The following TRPM7 variants were observed in gnomAD, a reference collection of about 807,000 sequenced individuals.
TRPM7 encodes LTRPC ion channel family member 7.
Under a neutral mutation model 229.7 loss-of-function variants are expected in TRPM7, and 134 were observed. The observed-to-expected ratio is 0.58, with a 90% CI of 0.51 to 0.67. The LOEUF (loss-of-function observed/expected upper bound fraction) is 0.67, where lower values mean the gene tolerates loss of function less well. Among genes scored for constraint, TRPM7 ranks in the 30% least tolerant of loss-of-function variants. TRPM7 has a pLI of 0.00. For missense variants in TRPM7, 1,901 were observed against 2,210.0 expected (o/e 0.86, Z 2.80); for synonymous variants, 699 against 715.2 (o/e 0.98, Z 0.36).
chr15:50,584,930 C>G lies in TRPM7; in HGVS notation c.4486+1462G>C, dbSNP rs369402435. ...CATTCCCATTGCACAGGCTGGAGTG[C>G]AGTCGCGCTATCTTGGCTCACTGCA... is the stretch of plus-strand genomic sequence containing the variant. On this transcript the variant is annotated intron_variant, in intron 28 of 38. Transcript: ENST00000646667. 7.2e-5 allele frequency among the ~76,000 whole-genome samples: 11 copies of G among 152,194 alleles called. No individual in the cohort carries two copies. In the East Asian group the frequency reaches 7.7e-4, roughly 11 times the overall value.
rs1315863403 is a variant in TRPM7, at chr15:50,613,722, C to T, written c.1755G>A (p.Gln585=). The stretch of plus-strand genomic sequence containing the variant: ...ATAAATTTACCTTTGGTCGGTAGGG[C>T]TGTGCTGTCTTAATGAAATGGTTAT... The part of the protein sequence containing the change: ...MRHNHFIKTA[Q]PYRPKIDTVM... The change falls in exon 15 of 39, where the codon CAG becomes CAA. Residue 585 remains glutamine (Q), a synonymous_variant. Coordinates refer to ENST00000646667, the MANE Select transcript of TRPM7 (RefSeq NM_017672.6). The T allele has an allele frequency of 6.2e-7, 1 of 1,602,968 alleles. No homozygotes were observed. Among genetic ancestry groups the T allele is most frequent in the South Asian group, 1.1e-5 (1 of 88,776 alleles).
chr15:50,685,382 C>T (rs1596362033), intron 1 of TRPM7, among the ~76,000 whole-genome samples: 1 of 152,120 alleles, frequency 6.6e-6, no homozygotes, highest in African/African-American at 2.4e-5. Flanking sequence ...GCCTGAATCC[C>T]GGAGGCGGAT....
At chr15:50,652,762 A>T (rs1450086184) in intron 3 of TRPM7, among the ~76,000 whole-genome samples, 3 of 152,140 alleles carry the variant, frequency 2.0e-5, no homozygotes, top group African/African-American at 7.2e-5. Flanking sequence ...GCTACTTAGG[A>T]GGCTGAGGTG....
At chr15:50,573,243 A>T (rs1426173491) in intron 36 of TRPM7, among the ~76,000 whole-genome samples, 2 of 152,162 alleles carry the variant, frequency 1.3e-5, no homozygotes, top group African/African-American at 4.8e-5. Context: ...GATCAGTAAA[A>T]TGTGGCAGAA....
intron 38 of TRPM7, among the ~76,000 whole-genome samples, chr15:50,567,533 G>A (rs1441721500): frequency 1.3e-5 from 2 of 151,842 alleles, no homozygotes; most frequent in Non-Finnish European, 2.9e-5. Context: ...ACCTACCACA[G>A]ACCAATATTC....
In TRPM7 at chr15:50,560,387, CCA is replaced by C. The variant is rs2053264904; in HGVS notation, c.*1289_*1290del. ...TAAGTAATACACTTTTTCTTTCTCC[CCA>C]CCCCCAATCAATATTAAACACTATT... On this transcript the variant is annotated 3_prime_UTR_variant, in exon 39 of 39. Transcript: ENST00000646667. The C allele has an allele frequency of 6.6e-6, 1 of 152,234 alleles. No individual in the cohort carries two copies. Among genetic ancestry groups the C allele is most frequent in the Non-Finnish European group, 1.5e-5 (1 of 67,936 alleles). The allele number at this position is 152,234 out of a possible 1,614,324, so 9.4% of individuals were successfully genotyped here.
chr15:50,644,790 T>A (rs1379358646), intron 4 of TRPM7, among the ~76,000 whole-genome samples: 2 of 110,446 alleles, frequency 1.8e-5, no homozygotes, highest in Non-Finnish European at 3.4e-5. Flanking sequence ...AGAGCGAAAC[T>A]GCGTCTCAAA....
At chr15:50,674,565 T>G (rs911335000) in intron 1 of TRPM7, among the ~76,000 whole-genome samples, 1 of 152,242 alleles carries the variant, frequency 6.6e-6, no homozygotes, top group African/African-American at 2.4e-5. Context: ...AAAATACAAA[T>G]GATTTGCATA....
intron 1 of TRPM7, 67 bp from the exon 2 acceptor site, chr15:50,663,113 T>G: frequency 1.6e-6 from 2 of 1,236,272 alleles, no homozygotes; most frequent in South Asian, 1.3e-5. Flanking sequence ...AACAATTTCA[T>G]GATAAACACA....
At chr15:50,600,089 G>T (rs1410653043) in intron 21 of TRPM7, among the ~76,000 whole-genome samples, 1 of 152,090 alleles carries the variant, frequency 6.6e-6, no homozygotes, top group Non-Finnish European at 1.5e-5. Context: ...ACTTATTTAG[G>T]TATATAAGTT....
At chr15:50,624,444 CTAA>C in intron 11 of TRPM7, 144 bp from the exon 12 acceptor site, 2 of 648,688 alleles carry the variant, frequency 3.1e-6, no homozygotes, top group Non-Finnish European at 4.8e-6. Context: ...CAGTAAAAAG[CTAA>C]TAAGACTTTA....
At chr15:50,650,778 A>G (rs995729832) in intron 3 of TRPM7, among the ~76,000 whole-genome samples, 14 of 152,342 alleles carry the variant, frequency 9.2e-5, no homozygotes, top group South Asian at 4.1e-4. Context: ...GAAAGGATCA[A>G]ACTGATCCAA....
chr15:50,598,566 T>C lies in TRPM7; in HGVS notation c.3163+556A>G, dbSNP rs115286246. On this transcript the variant is annotated intron_variant, in intron 22 of 38. Transcript: ENST00000646667. ...CTCAATATCGAATCTACCTGAATGA[T>C]CTACGCTAATCATGGTAATCCCATC... is the stretch of plus-strand genomic sequence containing the variant. 3.7e-3 allele frequency among the ~76,000 whole-genome samples: 565 copies of C among 152,326 alleles called. 3 individuals are homozygous for C. The highest frequency in any genetic ancestry group is 0.013 in the African/African-American group (542 of 41,570).
intron 31 of TRPM7, among the ~76,000 whole-genome samples, chr15:50,577,718 C>T (rs1485151323): frequency 1.3e-5 from 2 of 151,918 alleles, no homozygotes; most frequent in Non-Finnish European, 2.9e-5. Context: ...AGGCATATGC[C>T]AATAATAAAT....
intron 29 of TRPM7, among the ~76,000 whole-genome samples, chr15:50,582,621 A>T (rs1248567938): frequency 6.6e-6 from 1 of 152,224 alleles, no homozygotes; most frequent in African/African-American, 2.4e-5. Context: ...TTTTTCAATA[A>T]CATGATTTTA....
intron 21 of TRPM7, among the ~76,000 whole-genome samples, chr15:50,601,856 G>A (rs1241739970): frequency 2.0e-5 from 3 of 151,596 alleles, no homozygotes; most frequent in East Asian, 1.9e-4. Flanking sequence ...AAGTGTGAGG[G>A]AGGTTTCTTC....
At chr15:50,608,066 A>AG (rs1405435824) in intron 19 of TRPM7, among the ~76,000 whole-genome samples, 1 of 150,888 alleles carries the variant, frequency 6.6e-6, no homozygotes, top group Non-Finnish European at 1.5e-5. Flanking sequence ...AAAAAAAAAA[A>AG]AAAAGAAAGA....
At chr15:50,563,869 CT>C (rs1049678740) in intron 38 of TRPM7, among the ~76,000 whole-genome samples, 9 of 148,612 alleles carry the variant, frequency 6.1e-5, no homozygotes, top group Non-Finnish European at 1.0e-4. Flanking sequence ...GACAATTCTT[CT>C]TTTTTTTTTG....
At position 50,648,819 on chromosome 15, in the gene TRPM7, T is replaced by C; in HGVS notation, c.189A>G (p.Ser63=). The C allele has an allele frequency of 6.2e-7, 1 of 1,613,280 alleles. No homozygotes were observed. Among genetic ancestry groups the C allele is most frequent in the Non-Finnish European group, 8.5e-7 (1 of 1,179,544 alleles). Residue 63 remains serine, a synonymous_variant, in exon 4 of 39, where the codon TCA becomes TCG. Coordinates refer to ENST00000646667, the MANE Select transcript of TRPM7 (RefSeq NM_017672.6). The part of the protein sequence containing the change: ...CFTASLAMKY[S]DVKLGDHFNQ... ...TAAAATGGTCACCCAATTTCACATC[T>C]GAGTATTTCATGGCAAGACTTGCAG...
Sources: gnomAD v4.1 joint callset for allele counts (sites outside exome capture counted in the v4.1 genomes callset) on GRCh38, gnomAD v4.1.1 for gene constraint, MANE v1.5 for transcripts, NCBI Gene and HGNC (gene_info 2026-07-23, HGNC 2026-07-21) for gene names.